GABRB2: variants seen among roughly 807,000 people sequenced by gnomAD.
GABRB2 encodes the protein gamma-aminobutyric acid type A receptor subunit beta2.
GABRB2 carries 16 observed loss-of-function variants against 54.7 expected under a neutral mutation model. The observed-to-expected ratio is 0.29, with a 90% CI of 0.20 to 0.44. The LOEUF (loss-of-function observed/expected upper bound fraction) is 0.44. GABRB2 is among the 20% of genes least tolerant of loss of function. GABRB2 has a pLI of 1.00. For missense variants in GABRB2, 355 were observed against 644.0 expected (o/e 0.55, Z 4.86); for synonymous variants, 244 against 233.8 (o/e 1.04, Z -0.40).
At chr5:161,424,075 G>T (rs1756928174) in intron 4 of GABRB2, among the ~76,000 whole-genome samples, 1 of 152,138 alleles carries the variant, frequency 6.6e-6, no homozygotes, top group Non-Finnish European at 1.5e-5. Flanking sequence ...GCTGCAGAAG[G>T]CAAGTTGGAA....
chr5:161,546,662 A>C lies in GABRB2; in HGVS notation c.-19T>G, dbSNP rs373648067. The C allele has an allele frequency of 1.8e-5, 29 of 1,577,704 alleles. No homozygotes were observed. In the African/African-American group the frequency reaches 3.8e-4, roughly 20 times the overall value. On this transcript the variant is annotated 5_prime_UTR_variant, in exon 1 of 10. It adds an upstream start codon to the 5' untranslated region. Transcript: ENST00000393959. The stretch of plus-strand genomic sequence containing the variant: ...TCCACATCCCTTTAGTTTTTGATGG[A>C]ATTGAGGGTTTCACTGAAGAGAGGA...
At position 161,469,201 on chromosome 5, in the gene GABRB2, C is replaced by T. The variant is rs151051916; in HGVS notation, c.238-9357G>A. Among the ~76,000 whole-genome samples the T allele has an allele frequency of 7.2e-3, 1,094 of 151,736 alleles. 9 individuals carry two copies. The highest frequency in any genetic ancestry group is 0.011 in the Non-Finnish European group (715 of 67,844). On this transcript the variant is annotated intron_variant, in intron 3 of 9. Transcript: ENST00000393959. ...GTATCATTTCTATAACAAAACTAAA[C>T]AAGTAATTACTTGTTGAGTTAAATT...
intron 8 of GABRB2, 50 bp downstream of exon 8, chr5:161,330,833 C>T: frequency 6.2e-7 from 1 of 1,612,014 alleles, no homozygotes; most frequent in Non-Finnish European, 8.5e-7. Context: ...GTATTGCTAG[C>T]ATTCTTCCAT....
At chr5:161,371,400 G>A (rs1392320225) in intron 5 of GABRB2, among the ~76,000 whole-genome samples, 1 of 152,102 alleles carries the variant, frequency 6.6e-6, no homozygotes, top group Non-Finnish European at 1.5e-5. Context: ...TATCTAAGGA[G>A]AAGATACAAT....
chr5:161,404,713 C>T (rs925430052), intron 5 of GABRB2, among the ~76,000 whole-genome samples: 5 of 152,218 alleles, frequency 3.3e-5, no homozygotes, highest in South Asian at 2.1e-4. Flanking sequence ...AAAACACATA[C>T]GCTGTTCTAC....
intron 3 of GABRB2, among the ~76,000 whole-genome samples, chr5:161,535,539 T>C (rs991616046): frequency 6.6e-6 from 1 of 152,176 alleles, no homozygotes; most frequent in Non-Finnish European, 1.5e-5. Flanking sequence ...TAAAATGCAG[T>C]GTAACAAGAT....
intron 3 of GABRB2, among the ~76,000 whole-genome samples, chr5:161,534,747 G>A (rs1034740647): frequency 1.3e-5 from 2 of 152,000 alleles, no homozygotes; most frequent in African/African-American, 4.8e-5. Context: ...ATGATTAACT[G>A]TATTTATATT....
In GABRB2 at chr5:161,293,183, C is replaced by G. The variant is rs1757282492; in HGVS notation, c.*898G>C. ...ATAAAAACCTCTTTAGGTATGCTGTCAAAAGCTAGTGATGTTGGAAAAACA... is the reference window on the plus strand; with the variant it reads ...ATAAAAACCTCTTTAGGTATGCTGTGAAAAGCTAGTGATGTTGGAAAAACA... On this transcript the variant is annotated 3_prime_UTR_variant, in exon 10 of 10. Coordinates refer to ENST00000393959, the MANE Select transcript of GABRB2 (RefSeq NM_001371727.1). The G allele has an allele frequency of 6.6e-6, 1 of 152,138 alleles. No homozygotes were observed. The highest frequency in any genetic ancestry group is 1.5e-5 in the Non-Finnish European group (1 of 68,030). 9.4% of individuals were successfully genotyped at this position (152,138 alleles called of 1,614,324 possible).
chr5:161,529,623 A>G (rs1194026233), intron 3 of GABRB2, among the ~76,000 whole-genome samples: 2 of 152,076 alleles, frequency 1.3e-5, no homozygotes, highest in Non-Finnish European at 2.9e-5. Flanking sequence ...TTTTAAAGTT[A>G]CATTTCATTT....
At chr5:161,368,035 G>A (rs1755019186) in intron 5 of GABRB2, among the ~76,000 whole-genome samples, 1 of 151,590 alleles carries the variant, frequency 6.6e-6, no homozygotes, top group African/African-American at 2.4e-5. Flanking sequence ...ATATGCACAG[G>A]TTGGTCTATG....
intron 5 of GABRB2, among the ~76,000 whole-genome samples, chr5:161,362,840 G>A (rs1008984606): frequency 2.0e-5 from 3 of 152,078 alleles, no homozygotes; most frequent in Non-Finnish European, 4.4e-5. Context: ...ACCATCTCAC[G>A]CCAACCAGAA....
chr5:161,335,010 C>G, intron 6 of GABRB2, 106 bp from the exon 7 acceptor site: 1 of 1,114,414 alleles, frequency 9.0e-7, no homozygotes, highest in Non-Finnish European at 1.3e-6. Context: ...AGTTTTAGCT[C>G]TTAGTGAAGG....
At chr5:161,352,722 G>A (rs1754511981) in intron 5 of GABRB2, among the ~76,000 whole-genome samples, 1 of 151,960 alleles carries the variant, frequency 6.6e-6, no homozygotes, top group Non-Finnish European at 1.5e-5. Flanking sequence ...CAAAAAATAA[G>A]TATGTAAGGT....
At chr5:161,339,421 TA>T (rs1754087649) in intron 5 of GABRB2, among the ~76,000 whole-genome samples, 1 of 152,090 alleles carries the variant, frequency 6.6e-6, no homozygotes, top group Admixed American at 6.6e-5. Flanking sequence ...ATACTGGGTT[TA>T]AGATGCCCAA....
intron 9 of GABRB2, among the ~76,000 whole-genome samples, chr5:161,309,634 T>A (rs1757800522): frequency 9.9e-6 from 1 of 100,624 alleles, no homozygotes; most frequent in African/African-American, 4.0e-5. Flanking sequence ...TAGACTAAAT[T>A]TTTTTTTTTT....
chr5:161,455,305 T>C (rs888281832), intron 4 of GABRB2, among the ~76,000 whole-genome samples: 1 of 152,142 alleles, frequency 6.6e-6, no homozygotes, highest in Non-Finnish European at 1.5e-5. Context: ...AGCCTGGCTA[T>C]CCGTGATCAT....
intron 5 of GABRB2, among the ~76,000 whole-genome samples, chr5:161,372,118 G>A (rs1226331567): frequency 6.6e-6 from 1 of 152,078 alleles, no homozygotes; most frequent in Non-Finnish European, 1.5e-5. Flanking sequence ...TGGTAAACAG[G>A]CCAAATCAGA....
chr5:161,495,726 G>C (rs1419119624), intron 3 of GABRB2, among the ~76,000 whole-genome samples: 1 of 151,972 alleles, frequency 6.6e-6, no homozygotes, highest in Admixed American at 6.6e-5. Flanking sequence ...ATAAAGTCAG[G>C]GGCAACTCCA....
chr5:161,496,896 C>A (rs549263399), intron 3 of GABRB2, among the ~76,000 whole-genome samples: 22 of 151,996 alleles, frequency 1.4e-4, no homozygotes, highest in South Asian at 6.2e-4. Context: ...ATAGTTTAAT[C>A]ATATATATGT....
Sources: gnomAD v4.1 joint callset for allele counts (sites outside exome capture counted in the v4.1 genomes callset) on GRCh38, gnomAD v4.1.1 for gene constraint, MANE v1.5 for transcripts, NCBI Gene and HGNC (gene_info 2026-07-23, HGNC 2026-07-21) for gene names.